HDAC9: variants seen among roughly 807,000 people sequenced by gnomAD.
HDAC9 encodes MEF-2 interacting transcription repressor (MITR) protein.
A neutral mutation model predicts 139.4 loss-of-function variants in HDAC9; 41 were observed. The ratio of observed to expected loss-of-function variants is 0.29; its 90% confidence interval spans 0.23 to 0.38. HDAC9 has a LOEUF of 0.38. HDAC9 is among the 10% of genes least tolerant of loss of function. The pLI is 1.00. For missense variants in HDAC9, 1,147 were observed against 1,297.0 expected (o/e 0.88, Z 1.78); for synonymous variants, 517 against 476.2 (o/e 1.09, Z -1.12).
At chr7:18,888,402 G>A (rs1800367819) in intron 22 of HDAC9, among the ~76,000 whole-genome samples, 1 of 152,208 alleles carries the variant, frequency 6.6e-6, no homozygotes, top group Non-Finnish European at 1.5e-5. Context: ...TCCAGCCTGG[G>A]CGACAGAGCG....
chr7:18,927,536 A>C (rs899098459), intron 22 of HDAC9, among the ~76,000 whole-genome samples: 2 of 152,192 alleles, frequency 1.3e-5, no homozygotes, highest in Non-Finnish European at 2.9e-5. Flanking sequence ...ATTCTTCAGT[A>C]ATACTTTTTG....
At chr7:18,347,762 T>C (rs977172765) in intron 1 of HDAC9, among the ~76,000 whole-genome samples, 2 of 151,796 alleles carry the variant, frequency 1.3e-5, no homozygotes, top group Non-Finnish European at 2.9e-5. Context: ...CACGCCCGGC[T>C]AATTTTTTGT....
At chr7:18,896,235 G>C (rs1167359767) in intron 22 of HDAC9, among the ~76,000 whole-genome samples, 1 of 151,934 alleles carries the variant, frequency 6.6e-6, no homozygotes, top group Non-Finnish European at 1.5e-5. Flanking sequence ...TAAAAATATA[G>C]AAATATTTCT....
chr7:18,716,148 A>G (rs914869758), intron 12 of HDAC9, among the ~76,000 whole-genome samples: 3 of 152,206 alleles, frequency 2.0e-5, no homozygotes, highest in Non-Finnish European at 2.9e-5. Flanking sequence ...TATTATCTCT[A>G]GACCAGAGCT....
chr7:18,258,543 A>C (rs1357781820), intron 2 of HDAC9, among the ~76,000 whole-genome samples: 1 of 152,200 alleles, frequency 6.6e-6, no homozygotes, highest in Non-Finnish European at 1.5e-5. Context: ...GTTGTAAACA[A>C]GTTGAGGGAA....
intron 21 of HDAC9, among the ~76,000 whole-genome samples, chr7:18,840,231 G>C (rs1796500945): frequency 6.6e-6 from 1 of 151,954 alleles, no homozygotes; most frequent in South Asian, 2.1e-4. Context: ...TCTTGATCTG[G>C]GTTCTTTAGA....
intron 22 of HDAC9, among the ~76,000 whole-genome samples, chr7:18,888,396 G>C (rs1362360970): frequency 6.6e-6 from 1 of 152,228 alleles, no homozygotes. Context: ...CTGCACTCCA[G>C]CCTGGGCGAC....
intron 16 of HDAC9, among the ~76,000 whole-genome samples, chr7:18,787,136 A>T (rs1172316841): frequency 6.6e-6 from 1 of 152,156 alleles, no homozygotes; most frequent in Non-Finnish European, 1.5e-5. Context: ...TTAGATAGAC[A>T]GGACTCTGGG....
chr7:18,484,071 G>A (rs111473312), intron 1 of HDAC9, among the ~76,000 whole-genome samples: 1 of 151,594 alleles, frequency 6.6e-6, no homozygotes, highest in Non-Finnish European at 1.5e-5. Context: ...ATGGGGCTGG[G>A]CATGGTGGCC....
At chr7:18,177,419 T>C (rs1225563512) in intron 2 of HDAC9, among the ~76,000 whole-genome samples, 2 of 152,204 alleles carry the variant, frequency 1.3e-5, no homozygotes, top group Non-Finnish European at 2.9e-5. Flanking sequence ...ATTTAAGGTA[T>C]ATAAGAACCC....
chr7:18,148,418 C>T (rs74753855), intron 1 of HDAC9, among the ~76,000 whole-genome samples: 5 of 152,148 alleles, frequency 3.3e-5, no homozygotes, highest in Admixed American at 6.5e-5. Context: ...CACATCTCCA[C>T]TTCTGCCTGA....
chr7:18,750,692 G>A (rs1299369024), intron 14 of HDAC9, among the ~76,000 whole-genome samples: 1 of 152,088 alleles, frequency 6.6e-6, no homozygotes, highest in Non-Finnish European at 1.5e-5. Context: ...GCAGTTTGGA[G>A]GCCAAACCAT....
chr7:18,735,107 G>A (rs1362186686), intron 13 of HDAC9, among the ~76,000 whole-genome samples: 1 of 152,130 alleles, frequency 6.6e-6, no homozygotes, highest in African/African-American at 2.4e-5. Context: ...TTGTAAATTT[G>A]TTTGAGTTAT....
At chr7:18,839,830 C>CA (rs1796475512) in intron 21 of HDAC9, among the ~76,000 whole-genome samples, 1 of 151,900 alleles carries the variant, frequency 6.6e-6, no homozygotes, top group African/African-American at 2.4e-5. Flanking sequence ...GAGGATTGGG[C>CA]ACATTATTTT....
intron 2 of HDAC9, 156 bp downstream of exon 2, chr7:18,496,480 C>T (rs1796979274): frequency 3.2e-6 from 2 of 622,710 alleles, no homozygotes; most frequent in Non-Finnish European, 5.7e-6. Context: ...ACTTAGATCC[C>T]TTCCATTACT....
At chr7:18,453,430 T>C (rs1455739024) in intron 1 of HDAC9, among the ~76,000 whole-genome samples, 2 of 152,152 alleles carry the variant, frequency 1.3e-5, no homozygotes, top group Non-Finnish European at 2.9e-5. Flanking sequence ...AAGACATAAA[T>C]AGGCAAATAT....
At chr7:18,632,807 CTGAAA>C (rs1195616196) in intron 7 of HDAC9, among the ~76,000 whole-genome samples, 1 of 151,840 alleles carries the variant, frequency 6.6e-6, no homozygotes, top group East Asian at 1.9e-4. Context: ...AGGCCTTAAA[CTGAAA>C]TGATTGTAGT....
chr7:18,256,773 A>G (rs566933565), intron 2 of HDAC9, among the ~76,000 whole-genome samples: 1 of 152,274 alleles, frequency 6.6e-6, no homozygotes, highest in South Asian at 2.1e-4. Context: ...TTATTTGAAC[A>G]GGATTTTAAG....
intron 1 of HDAC9, among the ~76,000 whole-genome samples, chr7:18,435,580 G>A (rs553663216): frequency 5.3e-5 from 8 of 152,046 alleles, no homozygotes; most frequent in Admixed American, 1.3e-4. Flanking sequence ...AGTCTACATA[G>A]CCATTGACTT....
Sources: gnomAD v4.1 joint callset for allele counts (sites outside exome capture counted in the v4.1 genomes callset) on GRCh38, gnomAD v4.1.1 for gene constraint, MANE v1.5 for transcripts, NCBI Gene and HGNC (gene_info 2026-07-23, HGNC 2026-07-21) for gene names.